Variants in RFX3 observed in about 807,000 individuals in gnomAD.
The protein encoded by RFX3 is transcription factor RFX3.
A neutral mutation model predicts 98.6 loss-of-function variants in RFX3; 14 were observed. That is an observed-to-expected ratio of 0.14 (90% CI 0.09 to 0.22). The LOEUF (loss-of-function observed/expected upper bound fraction) is 0.22. Ranked by LOEUF, RFX3 falls within the 10% of genes least tolerant of loss-of-function variation. The pLI, the probability that RFX3 is intolerant of heterozygous loss-of-function variation, is 1.00. For synonymous variants in RFX3, 383 were observed against 328.4 expected (o/e 1.17, Z -1.80); for missense variants, 639 against 926.9 (o/e 0.69, Z 4.03).
chr9:3,378,143 C>G (rs1344431783), intron 2 of RFX3, among the ~76,000 whole-genome samples: 6 of 152,072 alleles, frequency 3.9e-5, no homozygotes, highest in Admixed American at 3.9e-4. Context: ...AGACATAAAT[C>G]CATGTGTCAA....
At position 3,410,047 on chromosome 9, in the gene RFX3, A is replaced by G. The variant is rs533215438; in HGVS notation, c.-8-14451T>C. Reference sequence around the variant, plus strand: ...TACACAAGGAAAGAAATACTCATATAACATGGAGAATGCAATCTTAAAATA... The same window carrying G: ...TACACAAGGAAAGAAATACTCATATGACATGGAGAATGCAATCTTAAAATA... On this transcript the variant is annotated intron_variant, in intron 1 of 16. Coordinates refer to ENST00000617270, the MANE Select transcript of RFX3 (RefSeq NM_001282116.2). Among the ~76,000 whole-genome samples the G allele has an allele frequency of 1.6e-4, 24 of 152,236 alleles. No homozygotes were observed. The East Asian group carries it at 2.1e-3, about 13-fold the overall frequency.
chr9:3,460,479 T>C, intron 1 of RFX3, among the ~76,000 whole-genome samples: 1 of 152,116 alleles, frequency 6.6e-6, no homozygotes, highest in African/African-American at 2.4e-5. Context: ...CACCCTATTT[T>C]CCCAGTTTTC....
intron 15 of RFX3, chr9:3,247,739 T>A: frequency 6.5e-7 from 1 of 1,540,560 alleles, no homozygotes; most frequent in Non-Finnish European, 8.7e-7. Context: ...CTTAAAATAT[T>A]TTTCATATTC....
At chr9:3,356,967 ACACACG>A (rs990751151) in intron 2 of RFX3, among the ~76,000 whole-genome samples, 56 of 142,390 alleles carry the variant, frequency 3.9e-4, no homozygotes, top group African/African-American at 1.0e-3. Flanking sequence ...ACACATGCAC[ACACACG>A]CACACACACA....
intron 1 of RFX3, among the ~76,000 whole-genome samples, chr9:3,441,427 G>A (rs1845602351): frequency 6.6e-6 from 1 of 152,122 alleles, no homozygotes; most frequent in African/African-American, 2.4e-5. Context: ...AGCATATCCA[G>A]TGTCCAGGTC....
At chr9:3,374,223 G>C (rs1378463377) in intron 2 of RFX3, among the ~76,000 whole-genome samples, 1 of 152,178 alleles carries the variant, frequency 6.6e-6, no homozygotes, top group Non-Finnish European at 1.5e-5. Context: ...CGCTCTGTTG[G>C]TGGGGATGTG....
chr9:3,303,932 C>A (rs1366324829), intron 4 of RFX3, among the ~76,000 whole-genome samples: 4 of 151,962 alleles, frequency 2.6e-5, no homozygotes, highest in Non-Finnish European at 5.9e-5. Flanking sequence ...TTTCTTTTGG[C>A]TTTAGGAATC....
chr9:3,329,127 G>T (rs769743770), intron 4 of RFX3, among the ~76,000 whole-genome samples: 1 of 151,948 alleles, frequency 6.6e-6, no homozygotes, highest in Non-Finnish European at 1.5e-5. Flanking sequence ...TGTGTTGGCC[G>T]GGCTCAGTGG....
chr9:3,430,640 C>A (rs1490606779), intron 1 of RFX3, among the ~76,000 whole-genome samples: 1 of 152,096 alleles, frequency 6.6e-6, no homozygotes, highest in African/African-American at 2.4e-5. Flanking sequence ...AAATCTGATT[C>A]ATTCTTTTGA....
intron 2 of RFX3, among the ~76,000 whole-genome samples, chr9:3,372,552 T>C (rs1837978898): frequency 6.8e-6 from 1 of 146,026 alleles, no homozygotes; most frequent in African/African-American, 2.5e-5. Context: ...CTTTCTTTCT[T>C]TTTTTTTTTT....
At chr9:3,514,517 G>C (rs1185355314) in intron 1 of RFX3, among the ~76,000 whole-genome samples, 1 of 152,062 alleles carries the variant, frequency 6.6e-6, no homozygotes, top group Non-Finnish European at 1.5e-5. Context: ...GCTCCGGGTT[G>C]TCTACAGCCT....
intron 7 of RFX3, 132 bp downstream of exon 7, chr9:3,287,999 A>T: frequency 1.2e-6 from 1 of 856,862 alleles, no homozygotes; most frequent in Non-Finnish European, 1.8e-6. Context: ...CATATTTAAG[A>T]ACTATCTGTA....
At chr9:3,521,128 T>C (rs1420212972) in intron 1 of RFX3, among the ~76,000 whole-genome samples, 2 of 152,250 alleles carry the variant, frequency 1.3e-5, no homozygotes, top group Admixed American at 6.5e-5. Flanking sequence ...TGGACAATTA[T>C]TGATATGTGC....
chr9:3,388,593 A>G (rs1407928400), intron 2 of RFX3, among the ~76,000 whole-genome samples: 1 of 152,084 alleles, frequency 6.6e-6, no homozygotes, highest in Non-Finnish European at 1.5e-5. Context: ...GGCAATTTAT[A>G]GAAAAAAACA....
chr9:3,442,313 G>C (rs896397524), intron 1 of RFX3, among the ~76,000 whole-genome samples: 6 of 152,058 alleles, frequency 3.9e-5, no homozygotes, highest in African/African-American at 1.5e-4. Flanking sequence ...ACCATATGAT[G>C]TGATGAGAAA....
chr9:3,302,146 A>G (rs1802310875), intron 4 of RFX3, among the ~76,000 whole-genome samples: 1 of 151,908 alleles, frequency 6.6e-6, no homozygotes. Context: ...ATCCTGTATT[A>G]AAATATGGAA....
At chr9:3,333,978 C>T (rs889602764) in intron 3 of RFX3, among the ~76,000 whole-genome samples, 20 of 152,010 alleles carry the variant, frequency 1.3e-4, no homozygotes, top group African/African-American at 4.6e-4. Context: ...ATTCCTATTT[C>T]GCATACAAGG....
At chr9:3,503,628 A>G (rs541111096) in intron 1 of RFX3, among the ~76,000 whole-genome samples, 1 of 152,278 alleles carries the variant, frequency 6.6e-6, no homozygotes, top group South Asian at 2.1e-4. Context: ...ATTTGTCAAA[A>G]TAATAGAATT....
At chr9:3,424,452 C>G (rs1019231407) in intron 1 of RFX3, among the ~76,000 whole-genome samples, 61 of 147,022 alleles carry the variant, frequency 4.1e-4, no homozygotes, top group African/African-American at 1.5e-3. Context: ...AGCTCCGCCT[C>G]CCGGGTTCAC....
Sources: gnomAD v4.1 joint callset for allele counts (sites outside exome capture counted in the v4.1 genomes callset) on GRCh38, gnomAD v4.1.1 for gene constraint, MANE v1.5 for transcripts, NCBI Gene and HGNC (gene_info 2026-07-23, HGNC 2026-07-21) for gene names.